Variants in SHISA6 observed in about 807,000 individuals in gnomAD.
The protein encoded by SHISA6 is shisa family member 6, also known as protein shisa-6.
Under a neutral mutation model 47.9 loss-of-function variants are expected in SHISA6, and 22 were observed. That is an observed-to-expected ratio of 0.46 (90% confidence interval 0.33 to 0.66). SHISA6 has a LOEUF of 0.66. Ranked by LOEUF, SHISA6 falls within the 30% of genes least tolerant of loss-of-function variation. The probability of loss-of-function intolerance (pLI) is 0.02; values close to 1 mark genes in which losing one functional copy is unlikely to be tolerated. For synonymous variants in SHISA6, 388 were observed against 337.8 expected (o/e 1.15, Z -1.63); for missense variants, 680 against 764.6 (o/e 0.89, Z 1.30).
At chr17:11,427,798 A>G (rs895364367) in intron 3 of SHISA6, among the ~76,000 whole-genome samples, 1 of 152,132 alleles carries the variant, frequency 6.6e-6, no homozygotes. Context: ...TAGAAAAAAA[A>G]AAATTTCACA....
At chr17:11,390,227 A>C (rs1212381778) in intron 3 of SHISA6, among the ~76,000 whole-genome samples, 2 of 152,244 alleles carry the variant, frequency 1.3e-5, no homozygotes, top group African/African-American at 2.4e-5. Flanking sequence ...ATGGAGTCAG[A>C]CATGCTGGAC....
At chr17:11,246,193 T>TAAAA (rs367667577) in intron 1 of SHISA6, among the ~76,000 whole-genome samples, 4 of 150,228 alleles carry the variant, frequency 2.7e-5, no homozygotes, top group Middle Eastern at 3.4e-3. Context: ...TTCTTTGAGT[T>TAAAA]AAAAAAAAAA....
At chr17:11,398,018 T>C (rs547553913) in intron 3 of SHISA6, among the ~76,000 whole-genome samples, 2 of 152,310 alleles carry the variant, frequency 1.3e-5, no homozygotes, top group Middle Eastern at 3.4e-3. Context: ...ATTTCTGTTT[T>C]AAAACTTTTT....
In SHISA6 at chr17:11,319,538, T is replaced by C. The variant is rs141683890; in HGVS notation, c.799+56012T>C. ...GTTGGTTCGCTCTGATACATCTTTT[T>C]CATACTGCTGTTCTCCTTGAGGAGT... On this transcript the variant is annotated intron_variant, in intron 2 of 5. Coordinates refer to ENST00000441885, the MANE Select transcript of SHISA6 (RefSeq NM_207386.4). Among the ~76,000 whole-genome samples, 471 of 152,368 alleles carry C rather than the reference T, an allele frequency of 3.1e-3. 6 individuals carry two copies. The highest frequency in any genetic ancestry group is 0.011 in the African/African-American group (444 of 41,594).
intron 3 of SHISA6, among the ~76,000 whole-genome samples, chr17:11,538,943 T>C (rs1200971490): frequency 4.6e-5 from 7 of 152,040 alleles, no homozygotes; most frequent in Admixed American, 4.6e-4. Flanking sequence ...GTTGTTTTTG[T>C]TTGTTTGTTT....
At chr17:11,469,691 C>A (rs2908941) in intron 3 of SHISA6, among the ~76,000 whole-genome samples, 4 of 152,150 alleles carry the variant, frequency 2.6e-5, no homozygotes, top group Admixed American at 2.6e-4. Context: ...GGCTTTCCCC[C>A]CTTCTCCCTG....
At chr17:11,422,838 C>G (rs1430567078) in intron 3 of SHISA6, among the ~76,000 whole-genome samples, 1 of 150,974 alleles carries the variant, frequency 6.6e-6, no homozygotes, top group East Asian at 2.0e-4. Flanking sequence ...GTAGCCTCAA[C>G]AGGAAAACAT....
intron 3 of SHISA6, among the ~76,000 whole-genome samples, chr17:11,406,306 T>C (rs1348038806): frequency 6.6e-6 from 1 of 152,202 alleles, no homozygotes; most frequent in African/African-American, 2.4e-5. Flanking sequence ...GGAATTAATA[T>C]CATACTTCTC....
At chr17:11,553,533 C>T (rs977125679) in intron 4 of SHISA6, among the ~76,000 whole-genome samples, 1 of 152,176 alleles carries the variant, frequency 6.6e-6, no homozygotes, top group Admixed American at 6.5e-5. Context: ...TGCCCTTGAG[C>T]AGCTCACAAT....
At chr17:11,529,628 A>G (rs1300066507) in intron 3 of SHISA6, among the ~76,000 whole-genome samples, 2 of 152,226 alleles carry the variant, frequency 1.3e-5, no homozygotes, top group Non-Finnish European at 2.9e-5. Context: ...TGCTTTGTGA[A>G]TTATAAATTA....
Position 11,557,874 on chromosome 17 carries a change from G to C in SHISA6, c.1226G>C (p.Arg409Pro), listed in dbSNP as rs199505983. Residue 409 changes from arginine (R) to proline (P), a missense_variant, in exon 6 of 6, where the codon CGA becomes CCA. Physicochemically the swap from Arg to Pro is moderately radical, Grantham distance 103 (BLOSUM62 -2). Transcript: ENST00000441885. Reference protein sequence around the residue: ...MSQQKPLPRERPRRPIRAMSQ... With the variant: ...MSQQKPLPREPPRRPIRAMSQ... Reference sequence around the variant, plus strand: ...CAACAGAAGCCGTTGCCAAGGGAACGACCCCGCCGGCCCATCCGGGCCATG... The same window carrying C: ...CAACAGAAGCCGTTGCCAAGGGAACCACCCCGCCGGCCCATCCGGGCCATG... The C allele has an allele frequency of 1.9e-6, 3 of 1,551,294 alleles. No homozygotes were observed. The highest frequency in any genetic ancestry group is 1.4e-5 in the African/African-American group (1 of 73,052).
At chr17:11,548,938 A>T (rs1003995986) in intron 3 of SHISA6, among the ~76,000 whole-genome samples, 1 of 152,238 alleles carries the variant, frequency 6.6e-6, no homozygotes, top group African/African-American at 2.4e-5. Context: ...ATGATTACTT[A>T]TGCAAAAACT....
chr17:11,292,282 C>T (rs1909580169), intron 2 of SHISA6, among the ~76,000 whole-genome samples: 1 of 151,990 alleles, frequency 6.6e-6, no homozygotes, highest in African/African-American at 2.4e-5. Flanking sequence ...GCCCTCCCTC[C>T]CCTTTCCCCC....
At chr17:11,410,865 C>T (rs933936141) in intron 3 of SHISA6, among the ~76,000 whole-genome samples, 2 of 152,164 alleles carry the variant, frequency 1.3e-5, no homozygotes, top group Non-Finnish European at 2.9e-5. Flanking sequence ...CTCATCCAGG[C>T]GGCTCTGTTG....
chr17:11,306,324 A>G (rs1597449875), intron 2 of SHISA6, among the ~76,000 whole-genome samples: 1 of 152,224 alleles, frequency 6.6e-6, no homozygotes, highest in East Asian at 1.9e-4. Flanking sequence ...ACAGGATGCA[A>G]TGGTGGAGCA....
At chr17:11,477,055 C>T (rs1486972106) in intron 3 of SHISA6, among the ~76,000 whole-genome samples, 1 of 152,160 alleles carries the variant, frequency 6.6e-6, no homozygotes, top group African/African-American at 2.4e-5. Context: ...CTGAAGTCTG[C>T]TCTGCATAAA....
At chr17:11,439,472 A>G (rs1915041687) in intron 3 of SHISA6, among the ~76,000 whole-genome samples, 2 of 152,174 alleles carry the variant, frequency 1.3e-5, no homozygotes, top group Non-Finnish European at 2.9e-5. Context: ...GAAACTTCAA[A>G]AACTAATGGC....
intron 3 of SHISA6, among the ~76,000 whole-genome samples, chr17:11,492,073 G>C (rs1974700): frequency 1.3e-5 from 2 of 151,958 alleles, no homozygotes; most frequent in African/African-American, 4.8e-5. Flanking sequence ...CCAGCCGCTG[G>C]TGAAGGTTTT....
At position 11,263,477 on chromosome 17, in the gene SHISA6, G is replaced by C; in HGVS notation, c.750G>C (p.Ser250=). ...CCAAAGAGAACACGCCGGTCAGATC[G>C]TCCTCCAAAAACCACTACACTCCTG... The part of the protein sequence containing the change: ...TSPKENTPVR[S]SSKNHYTPVR... Residue 250 remains serine (S), a synonymous_variant, in exon 2 of 6, where the codon TCG becomes TCC. Transcript: ENST00000441885. 6.4e-7 allele frequency: 1 copy of C among 1,551,668 alleles called. No homozygotes were observed. The highest frequency in any genetic ancestry group is 8.7e-7 in the Non-Finnish European group (1 of 1,146,990).
Sources: allele counts gnomAD v4.1 joint callset (sites outside exome capture counted in the v4.1 genomes callset), GRCh38; gene constraint gnomAD v4.1.1; transcripts MANE v1.5; gene names NCBI Gene and HGNC (gene_info 2026-07-23, HGNC 2026-07-21).